Variants in NECAB2 observed in about 807,000 individuals in gnomAD.
NECAB2 encodes the protein N-terminal EF-hand calcium-binding protein 2.
NECAB2 carries 68 observed loss-of-function variants against 51.9 expected under a neutral mutation model. That is an observed-to-expected ratio of 1.31 (90% CI 1.08 to 1.60). The LOEUF (loss-of-function observed/expected upper bound fraction) is 1.60, where lower values mean the gene tolerates loss of function less well. NECAB2 is among the 40% of genes most tolerant of loss of function. NECAB2 has a pLI of 0.00. For synonymous variants in NECAB2, 329 were observed against 203.5 expected (o/e 1.62, Z -5.25); for missense variants, 854 against 490.3 (o/e 1.74, Z -7.00).
At chr16:83,997,632 T>C (rs2084731968) in intron 9 of NECAB2, among the ~76,000 whole-genome samples, 1 of 151,640 alleles carries the variant, frequency 6.6e-6, no homozygotes, top group African/African-American at 2.4e-5. Flanking sequence ...GGATTACAGG[T>C]GTGTGCCACC....
rs1410234675 is a variant in NECAB2, at chr16:83,978,299, G to T, written c.227-145G>T. On this transcript the variant is annotated intron_variant, in intron 2 of 12. Transcript: ENST00000305202. ...AATGGAATTTGTCTTTTAGTTTGGGGATTAGCTGGGAGGGTAGGGATTATC... is the reference window on the plus strand; with the variant it reads ...AATGGAATTTGTCTTTTAGTTTGGGTATTAGCTGGGAGGGTAGGGATTATC... The T allele has an allele frequency of 4.8e-6, 3 of 625,664 alleles. No homozygotes were observed. In the African/African-American group the frequency reaches 5.6e-5, roughly 12 times the overall value. 38.8% of individuals were successfully genotyped at this position (625,664 alleles called of 1,614,324 possible).
intron 10 of NECAB2, among the ~76,000 whole-genome samples, chr16:84,000,369 G>A (rs1402540656): frequency 1.0e-5 from 1 of 98,712 alleles, no homozygotes; most frequent in African/African-American, 1.8e-4. Context: ...ATCTCTATTG[G>A]GACAGTTTTT....
At position 83,968,564 on chromosome 16, in the gene NECAB2, AGCGCGGGGAGGGGGTC is replaced by A; in HGVS notation, c.-76_-61del. The A allele has an allele frequency of 5.3e-6, 5 of 939,090 alleles. No individual in the cohort carries two copies. Among genetic ancestry groups the A allele is most frequent in the South Asian group, 4.8e-5 (1 of 20,866 alleles). 58.2% of individuals were successfully genotyped at this position (939,090 alleles called of 1,614,324 possible). ...GGAGAGAGGGCGGGGCGGCGCGGGC[AGCGCGGGGAGGGGGTC>A]GCGCGGGGGCGGGCCGCAGCTGGGC... On this transcript the variant is annotated 5_prime_UTR_variant, in exon 1 of 13. Transcript: ENST00000305202.
chr16:83,975,277 G>C (rs1170517917), intron 2 of NECAB2, among the ~76,000 whole-genome samples: 1 of 146,766 alleles, frequency 6.8e-6, no homozygotes, highest in Non-Finnish European at 1.5e-5. Flanking sequence ...CGTGGGTGCG[G>C]GGATGGGAAC....
intron 5 of NECAB2, among the ~76,000 whole-genome samples, chr16:83,985,939 G>A (rs1371212159): frequency 6.6e-6 from 1 of 152,150 alleles, no homozygotes; most frequent in African/African-American, 2.4e-5. Flanking sequence ...AATACGTGCT[G>A]CTAAGAGGTA....
chr16:83,985,895 A>T (rs1307307693), intron 5 of NECAB2, among the ~76,000 whole-genome samples: 1 of 152,220 alleles, frequency 6.6e-6, no homozygotes, highest in Non-Finnish European at 1.5e-5. Flanking sequence ...CAGAATTAGC[A>T]GATCTGAAAA....
intron 8 of NECAB2, among the ~76,000 whole-genome samples, chr16:83,995,416 C>T (rs537692240): frequency 3.9e-5 from 6 of 152,208 alleles, no homozygotes; most frequent in African/African-American, 1.4e-4. Context: ...GCATGGGACC[C>T]CTCCCTCATA....
intron 1 of NECAB2, among the ~76,000 whole-genome samples, chr16:83,971,019 G>A (rs2084341764): frequency 6.6e-6 from 1 of 152,030 alleles, no homozygotes; most frequent in African/African-American, 2.4e-5. Context: ...GCTTGAACCC[G>A]GGAGGCAGAA....
At chr16:83,999,697 C>G (rs1483959787) in intron 10 of NECAB2, among the ~76,000 whole-genome samples, 1 of 152,120 alleles carries the variant, frequency 6.6e-6, no homozygotes, top group Non-Finnish European at 1.5e-5. Flanking sequence ...TGAGTGCGGG[C>G]CCCTGGGTCC....
chr16:83,972,287 T>G (rs2084358289), intron 2 of NECAB2, 112 bp downstream of exon 2: 1 of 1,491,222 alleles, frequency 6.7e-7, no homozygotes, highest in African/African-American at 1.4e-5. Flanking sequence ...AGGTTTGGAG[T>G]GCAGGGGTCT....
chr16:83,975,982 A>AG (rs1266189023), intron 2 of NECAB2, among the ~76,000 whole-genome samples: 2 of 151,988 alleles, frequency 1.3e-5, no homozygotes, highest in Admixed American at 6.5e-5. Flanking sequence ...AAGCTTAGTG[A>AG]GGGGGCACCT....
chr16:83,993,018 C>T (rs987102866), intron 6 of NECAB2, among the ~76,000 whole-genome samples: 1 of 152,208 alleles, frequency 6.6e-6, no homozygotes, highest in African/African-American at 2.4e-5. Flanking sequence ...CCCACCTGCC[C>T]CCATGGTGGG....
chr16:83,999,697 CCCCTGGGT>C (rs1199346405), intron 10 of NECAB2, among the ~76,000 whole-genome samples: 21 of 152,120 alleles, frequency 1.4e-4, no homozygotes, highest in African/African-American at 5.1e-4. Flanking sequence ...TGAGTGCGGG[CCCCTGGGT>C]CCCATAGAGC....
chr16:83,990,207 G>C (rs918225760), intron 5 of NECAB2, among the ~76,000 whole-genome samples: 3 of 152,094 alleles, frequency 2.0e-5, no homozygotes, highest in Non-Finnish European at 4.4e-5. Flanking sequence ...TTTAATCTTC[G>C]CTACAACCTT....
At chr16:84,000,650 C>A in intron 10 of NECAB2, 74 bp from the exon 11 acceptor site, 1 of 1,348,190 alleles carries the variant, frequency 7.4e-7, no homozygotes, top group Non-Finnish European at 1.1e-6. Flanking sequence ...GGTCTCAGGC[C>A]ACCCCAGGGG....
intron 1 of NECAB2, among the ~76,000 whole-genome samples, chr16:83,970,819 G>T (rs956958225): frequency 1.3e-5 from 2 of 152,162 alleles, no homozygotes; most frequent in Non-Finnish European, 1.5e-5. Flanking sequence ...TGGGCAGGGC[G>T]CCGTGGCTCA....
At chr16:83,990,266 G>C (rs1211633600) in intron 5 of NECAB2, among the ~76,000 whole-genome samples, 1 of 152,292 alleles carries the variant, frequency 6.6e-6, no homozygotes, top group South Asian at 2.1e-4. Context: ...AGGTCACAGA[G>C]CTAGTAAGTG....
chr16:83,978,313 G>A lies in NECAB2; in HGVS notation c.227-131G>A, dbSNP rs78555474. Reference sequence around the variant, plus strand: ...TTTAGTTTGGGGATTAGCTGGGAGGGTAGGGATTATCTGAGCTGCAGTTGT... The same window carrying A: ...TTTAGTTTGGGGATTAGCTGGGAGGATAGGGATTATCTGAGCTGCAGTTGT... On this transcript the variant is annotated intron_variant, in intron 2 of 12. Transcript: ENST00000305202. The A allele has an allele frequency of 2.3e-3, 1,587 of 678,042 alleles. 21 individuals carry two copies. The African/African-American group carries it at 0.027, about 12-fold the overall frequency. 42.0% of individuals were successfully genotyped at this position (678,042 alleles called of 1,614,324 possible).
upstream of NECAB2, chr16:83,965,305 C>T (rs373011879): frequency 2.5e-6 from 4 of 1,594,882 alleles, no homozygotes; most frequent in South Asian, 1.1e-5. Context: ...ACGTGGTCCT[C>T]GCCACAGGCA....
Sources: allele counts gnomAD v4.1 joint callset (sites outside exome capture counted in the v4.1 genomes callset), GRCh38; gene constraint gnomAD v4.1.1; transcripts MANE v1.5; gene names NCBI Gene and HGNC (gene_info 2026-07-23, HGNC 2026-07-21).